DAPK2: variants seen among roughly 807,000 people sequenced by gnomAD.
The protein encoded by DAPK2 is death-associated protein kinase 2.
In DAPK2, 35 loss-of-function variants were observed where a neutral mutation model predicts 44.1. That is an observed-to-expected ratio of 0.79 (90% CI 0.61 to 1.05). The LOEUF (loss-of-function observed/expected upper bound fraction) is 1.05, where lower values mean the gene tolerates loss of function less well. Ranked by LOEUF, DAPK2 falls within the 50% of genes least tolerant of loss-of-function variation. DAPK2 has a pLI of 0.00. For missense variants in DAPK2, 453 were observed against 483.2 expected, an observed-to-expected ratio of 0.94 and a Z score of 0.59; for synonymous variants, 174 against 182.6, an observed-to-expected ratio of 0.95 and a Z score of 0.38.
chr15:63,965,276 C>T (rs1012597170), intron 3 of DAPK2, among the ~76,000 whole-genome samples: 21 of 152,220 alleles, frequency 1.4e-4, no homozygotes, highest in African/African-American at 4.6e-4. Flanking sequence ...GAGGCAGAGA[C>T]TCTTGTTCTC....
chr15:64,006,036 CAAAA>C (rs35338084), intron 1 of DAPK2, among the ~76,000 whole-genome samples: 1 of 92,870 alleles, frequency 1.1e-5, no homozygotes, highest in Admixed American at 1.2e-4. Flanking sequence ...GATCCTGACT[CAAAA>C]AAAAAAAAAA....
chr15:63,994,277 C>G (rs952314072), intron 1 of DAPK2, among the ~76,000 whole-genome samples: 3 of 152,048 alleles, frequency 2.0e-5, no homozygotes, highest in Admixed American at 6.6e-5. Flanking sequence ...AGCTGAAGAA[C>G]CGGGAAGTGT....
intron 1 of DAPK2, among the ~76,000 whole-genome samples, chr15:63,985,495 C>G (rs770119896): frequency 1.1e-4 from 17 of 152,220 alleles, no homozygotes; most frequent in Non-Finnish European, 8.8e-5. Flanking sequence ...CAGCCACACG[C>G]CTCTCCTCTC....
chr15:64,030,934 T>A (rs1002249557), intron 1 of DAPK2, among the ~76,000 whole-genome samples: 9 of 150,478 alleles, frequency 6.0e-5, no homozygotes, highest in African/African-American at 2.0e-4. Context: ...GCCATTGCAT[T>A]CCAGCCTGGG....
At chr15:63,929,662 G>A in intron 5 of DAPK2, 85 bp from the exon 7 acceptor site, 1 of 1,542,888 alleles carries the variant, frequency 6.5e-7, no homozygotes, top group East Asian at 2.3e-5. Flanking sequence ...CTAAGGGGAA[G>A]AGGTCACTTG....
chr15:63,996,781 G>A (rs1223226125), intron 1 of DAPK2, among the ~76,000 whole-genome samples: 1 of 152,196 alleles, frequency 6.6e-6, no homozygotes, highest in Non-Finnish European at 1.5e-5. Flanking sequence ...TTGCCCAAGG[G>A]AGGACTACTC....
At chr15:63,941,065 A>T (rs2077294527) in intron 3 of DAPK2, among the ~76,000 whole-genome samples, 1 of 152,262 alleles carries the variant, frequency 6.6e-6, no homozygotes, top group African/African-American at 2.4e-5. Flanking sequence ...GCTATTAAAT[A>T]AATAAATATT....
In DAPK2 at chr15:64,023,132, G is replaced by A. The variant is rs150158326; in HGVS notation, c.92+17038C>T. Among the ~76,000 whole-genome samples, 85 of 152,270 alleles carry A rather than the reference G, an allele frequency of 5.6e-4. 2 individuals are homozygous for A. Among genetic ancestry groups the A allele is most frequent in the African/African-American group, 2.0e-3 (82 of 41,558 alleles). ...GAGTCTCTTCTCTTTGTCAAGGGGC[G>A]ATGTGGAGGAGGGTGGAAGCTGACT... On this transcript the variant is annotated intron_variant, in intron 1 of 10. Coordinates refer to ENST00000261891, the Ensembl canonical transcript of DAPK2.
chr15:63,962,727 G>A (rs1296242535), intron 3 of DAPK2, among the ~76,000 whole-genome samples: 1 of 152,142 alleles, frequency 6.6e-6, no homozygotes, highest in Non-Finnish European at 1.5e-5. Context: ...GTTTCAGAGG[G>A]GCACCTGGCT....
intron 1 of DAPK2, among the ~76,000 whole-genome samples, chr15:64,036,547 CACT>C (rs2080218597): frequency 6.6e-6 from 1 of 151,418 alleles, no homozygotes; most frequent in African/African-American, 2.4e-5. Flanking sequence ...CTTCTGGCAC[CACT>C]GATTCCTTTT....
At chr15:64,002,852 G>T (rs2079117364) in intron 1 of DAPK2, among the ~76,000 whole-genome samples, 2 of 151,596 alleles carry the variant, frequency 1.3e-5, no homozygotes, top group Middle Eastern at 6.8e-3. Context: ...ACAAAGAATC[G>T]CCTAATTAAT....
At chr15:64,046,374 G>GAA, upstream of DAPK2, 9 of 361,616 alleles carry the variant, frequency 2.5e-5, no homozygotes, top group African/African-American at 1.3e-4. The surrounding 1 kb of genome is among the most constrained non-coding windows in gnomAD (Gnocchi z 5.3). Flanking sequence ...CGCGGCGGGC[G>GAA]CGGCGGGCGC....
At position 63,949,190 on chromosome 15, in the gene DAPK2, C is replaced by T. The variant is rs535523697; in HGVS notation, c.454-9829G>A. Among the ~76,000 whole-genome samples the T allele has an allele frequency of 2.0e-5, 3 of 152,346 alleles. No homozygotes were observed. In the South Asian group the frequency reaches 6.2e-4, roughly 32 times the overall value. On this transcript the variant is annotated intron_variant, in intron 3 of 10. Transcript: ENST00000261891. ...AGTTGCACTTGGATTTGTTAAACCA[C>T]AGCCTCTGGCTACTCACCCATGACT...
intron 1 of DAPK2, among the ~76,000 whole-genome samples, chr15:64,031,391 C>T (rs2080012016): frequency 6.6e-6 from 1 of 152,124 alleles, no homozygotes; most frequent in Non-Finnish European, 1.5e-5. Context: ...TGCCACCACA[C>T]TTGGCTAATT....
chr15:63,921,003 G>T (rs2079058044), intron 8 of DAPK2: 1 of 152,234 alleles, frequency 6.6e-6, no homozygotes, highest in Non-Finnish European at 1.5e-5. Flanking sequence ...CTGACGGCAG[G>T]CCCCTGCAGT....
At chr15:64,044,151 C>A (rs2080408831), upstream of DAPK2, among the ~76,000 whole-genome samples, 1 of 152,136 alleles carries the variant, frequency 6.6e-6, no homozygotes, top group Admixed American at 6.5e-5. Context: ...AATCACATGG[C>A]AGAGGGAAGG....
At chr15:63,927,129 GA>G (rs1398634261) in intron 6 of DAPK2, among the ~76,000 whole-genome samples, 1 of 152,162 alleles carries the variant, frequency 6.6e-6, no homozygotes, top group Admixed American at 6.5e-5. Flanking sequence ...TGATTGCTGT[GA>G]AGAATACATG....
intron 3 of DAPK2, among the ~76,000 whole-genome samples, chr15:63,961,083 T>A (rs2077887404): frequency 6.6e-6 from 1 of 152,220 alleles, no homozygotes; most frequent in Non-Finnish European, 1.5e-5. Context: ...GTTGAATTGA[T>A]CCCTTTACCA....
intron 2 of DAPK2, among the ~76,000 whole-genome samples, chr15:63,976,649 G>A (rs2078356206): frequency 6.6e-6 from 1 of 152,098 alleles, no homozygotes; most frequent in South Asian, 2.1e-4. Context: ...AGGCTGTAGT[G>A]AGCCGTGATT....
Sources: gnomAD v4.1 joint callset for allele counts (sites outside exome capture counted in the v4.1 genomes callset) on GRCh38, gnomAD v4.1.1 for gene constraint, Gnocchi (gnomAD v3.1) non-coding constraint, MANE v1.5 for transcripts, NCBI Gene and HGNC (gene_info 2026-07-23, HGNC 2026-07-21) for gene names.